Variants in FER observed in about 807,000 individuals in gnomAD.
FER encodes the protein tyrosine-protein kinase Fer.
FER carries 63 observed loss-of-function variants against 111.0 expected under a neutral mutation model. That is an observed-to-expected ratio of 0.57 (90% CI 0.46 to 0.70). The LOEUF (loss-of-function observed/expected upper bound fraction) is 0.70. Among genes scored for constraint, FER ranks in the 30% least tolerant of loss-of-function variants. FER has a pLI of 0.00. For synonymous variants in FER, 327 were observed against 313.9 expected, an observed-to-expected ratio of 1.04 and a Z score of -0.44; for missense variants, 914 against 954.0, an observed-to-expected ratio of 0.96 and a Z score of 0.55.
chr5:108,771,286 C>A (rs1752872933), intron 2 of FER, among the ~76,000 whole-genome samples: 1 of 152,078 alleles, frequency 6.6e-6, no homozygotes, highest in Non-Finnish European at 1.5e-5. Flanking sequence ...TGTGTGCTGT[C>A]TATAAAAGGC....
chr5:109,044,240 G>A (rs1284656923), intron 14 of FER, among the ~76,000 whole-genome samples: 16 of 150,804 alleles, frequency 1.1e-4, no homozygotes, highest in Non-Finnish European at 7.4e-5. Flanking sequence ...GTGCAGTGGC[G>A]CAATCTCTGT....
intron 13 of FER, among the ~76,000 whole-genome samples, chr5:108,995,218 C>A (rs1763831733): frequency 6.6e-6 from 1 of 151,944 alleles, no homozygotes; most frequent in Non-Finnish European, 1.5e-5. Flanking sequence ...TAGCTTTTGC[C>A]CATTCAGTAT....
chr5:109,160,596 T>G (rs1238831493), intron 17 of FER, among the ~76,000 whole-genome samples: 2 of 152,182 alleles, frequency 1.3e-5, no homozygotes, highest in African/African-American at 2.4e-5. Flanking sequence ...CTGGTTCAAG[T>G]AACCTCCTTC....
At chr5:108,770,499 G>T (rs1752786522) in intron 2 of FER, among the ~76,000 whole-genome samples, 3 of 152,032 alleles carry the variant, frequency 2.0e-5, no homozygotes. Context: ...TTATGGGACA[G>T]AGTCTCGCTG....
chr5:109,053,904 G>A (rs1773257297), intron 16 of FER, among the ~76,000 whole-genome samples: 1 of 151,968 alleles, frequency 6.6e-6, no homozygotes. Flanking sequence ...TGTTAGCCAG[G>A]ATGGTCTCGA....
At chr5:109,118,066 A>G (rs10477949) in intron 17 of FER, among the ~76,000 whole-genome samples, 28,928 of 151,852 alleles carry the variant, frequency 0.19, 2,909 homozygotes, top group Non-Finnish European at 0.22. Context: ...GTGGTGAGAG[A>G]GGGCATCCGT....
At chr5:108,894,597 C>T (rs997185273) in intron 9 of FER, 3 of 381,698 alleles carry the variant, frequency 7.9e-6, no homozygotes, top group Non-Finnish European at 1.6e-5. Flanking sequence ...CACATGCTTG[C>T]CCTCAAGGGA....
At position 108,764,967 on chromosome 5, in the gene FER, C is replaced by T. The variant is rs530395964; in HGVS notation, c.-205-3126C>T. Among the ~76,000 whole-genome samples, 18 of 152,208 alleles carry T rather than the reference C, an allele frequency of 1.2e-4. 1 individual carries two copies. The South Asian group carries it at 2.9e-3, about 25-fold the overall frequency. The stretch of plus-strand genomic sequence containing the variant: ...CCTGAGAGTATCTCCTTAAATTTTG[C>T]GCCCCAGGTATTTCTTTTGCATCAC... On this transcript the variant is annotated intron_variant, in intron 1 of 19. Transcript: ENST00000281092.
intron 13 of FER, among the ~76,000 whole-genome samples, chr5:108,978,373 C>G (rs17161573): frequency 0.073 from 11,152 of 152,176 alleles, 984 homozygotes; most frequent in African/African-American, 0.21. Context: ...TTACCAAAAT[C>G]CCTTTCACTC....
intron 13 of FER, among the ~76,000 whole-genome samples, chr5:108,987,213 A>G (rs1197598401): frequency 2.0e-5 from 3 of 152,182 alleles, no homozygotes; most frequent in Non-Finnish European, 4.4e-5. Flanking sequence ...TGGGAAGCCA[A>G]GGTAGGCAGA....
intron 16 of FER, among the ~76,000 whole-genome samples, chr5:109,084,920 T>C (rs956420841): frequency 6.6e-6 from 1 of 151,894 alleles, no homozygotes; most frequent in Non-Finnish European, 1.5e-5. Flanking sequence ...TTCTGGACTT[T>C]GTCTGTTCCA....
At chr5:108,860,818 C>T (rs764176786) in intron 5 of FER, among the ~76,000 whole-genome samples, 2 of 152,142 alleles carry the variant, frequency 1.3e-5, no homozygotes, top group African/African-American at 2.4e-5. Flanking sequence ...CACAGTTCCA[C>T]ATTGCTGGGG....
chr5:108,983,818 C>A (rs1285456356), intron 13 of FER, among the ~76,000 whole-genome samples: 1 of 152,074 alleles, frequency 6.6e-6, no homozygotes, highest in Non-Finnish European at 1.5e-5. Flanking sequence ...ATTCTTCTTC[C>A]AAAAATGCAT....
At chr5:109,149,444 T>C (rs1365416262) in intron 17 of FER, among the ~76,000 whole-genome samples, 1 of 152,194 alleles carries the variant, frequency 6.6e-6, no homozygotes, top group Non-Finnish European at 1.5e-5. Flanking sequence ...TATTTGAGTC[T>C]TTATAAATCT....
Position 108,897,169 on chromosome 5 carries a change from T to C in FER, c.1047-490T>C, listed in dbSNP as rs529961908. Among the ~76,000 whole-genome samples, 7 of 152,304 alleles carry C rather than the reference T, an allele frequency of 4.6e-5. No individual in the cohort carries two copies. The South Asian group carries it at 6.2e-4, about 14-fold the overall frequency. On this transcript the variant is annotated intron_variant, in intron 9 of 19. Coordinates refer to ENST00000281092, the MANE Select transcript of FER (RefSeq NM_005246.4). The stretch of plus-strand genomic sequence containing the variant: ...TCTTAGCCCTTAGTCCTTGTCATAG[T>C]AGTTTCACTTGCCGCCAGACACACA...
intron 10 of FER, chr5:108,924,679 T>C (rs1227225115): frequency 4.9e-6 from 6 of 1,231,920 alleles, no homozygotes; most frequent in Non-Finnish European, 6.1e-6. Flanking sequence ...GAAAATGAAA[T>C]GTCCTCATTG....
intron 10 of FER, among the ~76,000 whole-genome samples, chr5:108,898,479 CTCCTT>C (rs1749482569): frequency 6.7e-6 from 1 of 149,934 alleles, no homozygotes; most frequent in East Asian, 2.0e-4. Flanking sequence ...TTTCTGTCCT[CTCCTT>C]TCCTTTCCTT....
At chr5:109,177,912 A>G (rs116642121) in intron 17 of FER, among the ~76,000 whole-genome samples, 1,576 of 152,328 alleles carry the variant, frequency 0.01, 29 homozygotes, top group African/African-American at 0.036. Context: ...TTTGCAGTCT[A>G]TAACACACAG....
At chr5:108,844,075 A>AACATGTGTGTGAAC (rs1561500135) in intron 5 of FER, among the ~76,000 whole-genome samples, 23 of 146,482 alleles carry the variant, frequency 1.6e-4, no homozygotes, top group African/African-American at 6.0e-4. Context: ...TATGTGTGTG[A>AACATGTGTGTGAAC]ACATATATGC....
Sources: gnomAD v4.1 joint callset for allele counts (sites outside exome capture counted in the v4.1 genomes callset) on GRCh38, gnomAD v4.1.1 for gene constraint, MANE v1.5 for transcripts, NCBI Gene and HGNC (gene_info 2026-07-23, HGNC 2026-07-21) for gene names.